The following LMX1A variants were observed in gnomAD, a reference collection of about 807,000 sequenced individuals.
The protein encoded by LMX1A is LIM homeobox transcription factor 1 alpha.
LMX1A carries 15 observed loss-of-function variants against 49.1 expected under a neutral mutation model. The ratio of observed to expected loss-of-function variants is 0.31; its 90% CI spans 0.20 to 0.47. The LOEUF (loss-of-function observed/expected upper bound fraction) is 0.47, where lower values mean the gene tolerates loss of function less well. Among genes scored for constraint, LMX1A ranks in the 20% least tolerant of loss-of-function variants. The pLI is 1.00. For synonymous variants in LMX1A, 167 were observed against 185.7 expected (o/e 0.90, Z 0.82); for missense variants, 372 against 475.8 (o/e 0.78, Z 2.03).
intron 3 of LMX1A, among the ~76,000 whole-genome samples, chr1:165,341,856 G>A (rs954559314): frequency 6.6e-6 from 1 of 152,134 alleles, no homozygotes; most frequent in Admixed American, 6.5e-5. Flanking sequence ...ACGAATGTTT[G>A]ATGATTAAAT....
chr1:165,269,155 C>T lies in LMX1A; in HGVS notation c.264-19515G>A, dbSNP rs145359560. ...TCTGGGACAAAAGAGGGTGAGATAA[C>T]GAGCTTAGACTCTCAATTTGGAGAC... is the stretch of plus-strand genomic sequence containing the variant. On this transcript the variant is annotated intron_variant, in intron 3 of 8. Transcript: ENST00000342310. Among the ~76,000 whole-genome samples, 40 of 152,308 alleles carry T rather than the reference C, an allele frequency of 2.6e-4. No individual in the cohort carries two copies. The East Asian group carries it at 7.3e-3, about 28-fold the overall frequency.
intron 3 of LMX1A, among the ~76,000 whole-genome samples, chr1:165,337,888 C>CTGTGTGTGTGTGTGTGTGTG (rs6143463): frequency 0.019 from 2,804 of 146,996 alleles, 36 homozygotes; most frequent in African/African-American, 0.024. Flanking sequence ...GTGTGTGTTT[C>CTGTGTGTGTGTGTGTGTGTG]TGTGTGTGTG....
At chr1:165,247,054 C>CTTTTTTTTTTCTTTTTTTT (rs1652877682) in intron 4 of LMX1A, among the ~76,000 whole-genome samples, 1 of 53,228 alleles carries the variant, frequency 1.9e-5, no homozygotes, top group Non-Finnish European at 3.3e-5. Context: ...TCAGCTTTTT[C>CTTTTTTTTTTCTTTTTTTT]TTTTTTTTTT....
Position 165,356,431 on chromosome 1 carries a change from G to A in LMX1A, c.-99C>T, listed in dbSNP as rs1341082776. The A allele has an allele frequency of 6.6e-6, 1 of 152,024 alleles. No homozygotes were observed. The highest frequency in any genetic ancestry group is 1.9e-4 in the East Asian group (1 of 5,134). The allele number at this position is 152,024 out of a possible 1,614,324, so 9.4% of individuals were successfully genotyped here. A position where few individuals can be genotyped will look rare whatever the true frequency, so the allele number is the denominator to read the frequency against. ...GCTGCTGGAAGCTTCTGCCCGGGAA[G>A]GCGTCGCCCCCGAGACTGCAGCCGG... On this transcript the variant is annotated 5_prime_UTR_variant, in exon 1 of 9. Coordinates refer to ENST00000342310, the MANE Select transcript of LMX1A (RefSeq NM_177398.4).
intron 4 of LMX1A, among the ~76,000 whole-genome samples, chr1:165,230,771 C>G (rs1402927739): frequency 6.6e-6 from 1 of 152,198 alleles, no homozygotes; most frequent in Admixed American, 6.5e-5. Context: ...AGATCACATG[C>G]CTACTTAGCA....
At chr1:165,219,329 T>C (rs925815075) in intron 4 of LMX1A, among the ~76,000 whole-genome samples, 1 of 152,002 alleles carries the variant, frequency 6.6e-6, no homozygotes, top group African/African-American at 2.4e-5. Context: ...ATGAGAGACC[T>C]TCATGCTAGG....
chr1:165,332,166 A>C (rs2101753346), intron 3 of LMX1A, among the ~76,000 whole-genome samples: 1 of 152,316 alleles, frequency 6.6e-6, no homozygotes, highest in East Asian at 1.9e-4. Flanking sequence ...AAGTAAATTA[A>C]AATAAAATTC....
At chr1:165,315,110 T>C (rs1457613627) in intron 3 of LMX1A, among the ~76,000 whole-genome samples, 2 of 152,212 alleles carry the variant, frequency 1.3e-5, no homozygotes, top group Admixed American at 1.3e-4. Flanking sequence ...TATCAATTAA[T>C]TCTCTCATTA....
chr1:165,293,946 T>C (rs1654547230), intron 3 of LMX1A, among the ~76,000 whole-genome samples: 1 of 152,228 alleles, frequency 6.6e-6, no homozygotes, highest in Non-Finnish European at 1.5e-5. Flanking sequence ...TAGCATTCCA[T>C]ATGCTGGATA....
At chr1:165,226,279 C>T (rs1310624569) in intron 4 of LMX1A, among the ~76,000 whole-genome samples, 1 of 152,220 alleles carries the variant, frequency 6.6e-6, no homozygotes, top group Non-Finnish European at 1.5e-5. Context: ...CATCATGATT[C>T]ATCTCCCCTT....
intron 3 of LMX1A, among the ~76,000 whole-genome samples, chr1:165,264,985 C>T (rs1482315339): frequency 1.3e-5 from 2 of 152,082 alleles, no homozygotes; most frequent in East Asian, 1.9e-4. Flanking sequence ...AGGCAGATCA[C>T]GAGGCCAGGA....
chr1:165,242,941 A>C (rs1652710346), intron 4 of LMX1A, among the ~76,000 whole-genome samples: 1 of 151,330 alleles, frequency 6.6e-6, no homozygotes, highest in African/African-American at 2.4e-5. Context: ...AAAAAAAAAA[A>C]AAAAAACAAA....
At chr1:165,340,641 G>C (rs563871137) in intron 3 of LMX1A, among the ~76,000 whole-genome samples, 4 of 152,284 alleles carry the variant, frequency 2.6e-5, no homozygotes, top group African/African-American at 9.6e-5. Context: ...GTATCCCAAA[G>C]CTTTGTGTCC....
intron 3 of LMX1A, among the ~76,000 whole-genome samples, chr1:165,264,527 A>G (rs1653554500): frequency 6.6e-6 from 1 of 152,186 alleles, no homozygotes; most frequent in Non-Finnish European, 1.5e-5. Context: ...CCAACCATGG[A>G]AATAAATAAT....
At chr1:165,296,024 T>C (rs1361663464) in intron 3 of LMX1A, among the ~76,000 whole-genome samples, 1 of 152,192 alleles carries the variant, frequency 6.6e-6, no homozygotes, top group Non-Finnish European at 1.5e-5. Flanking sequence ...GAGAACTTAT[T>C]AAAGATCTGG....
intron 3 of LMX1A, among the ~76,000 whole-genome samples, chr1:165,329,897 A>C (rs1283427895): frequency 1.3e-5 from 2 of 152,240 alleles, no homozygotes; most frequent in Admixed American, 1.3e-4. Flanking sequence ...TCTATGGACT[A>C]TCTGTGTGGC....
At chr1:165,258,241 G>C (rs1320762136) in intron 3 of LMX1A, among the ~76,000 whole-genome samples, 2 of 152,212 alleles carry the variant, frequency 1.3e-5, no homozygotes. Context: ...GGGAGTCTGG[G>C]AGACCATGTG....
Position 165,203,951 on chromosome 1 carries a change from G to A in LMX1A, c.1078C>T (p.Pro360Ser), listed in dbSNP as rs553925894. Residue 360 changes from proline to serine, a missense_variant, in exon 9 of 9, where the codon CCT becomes TCT. Transcript: ENST00000342310. ...DCFLATSEAG[P>S]LQSRVGNPID... ...GGGTTTCCCACTCTGGACTGCAGAG[G>A]CCCAGCTTCTGAGGTTGCTAGGAAA... 6.2e-7 allele frequency: 1 copy of A among 1,614,008 alleles called. No homozygotes were observed. The highest frequency in any genetic ancestry group is 1.1e-5 in the South Asian group (1 of 91,070).
At chr1:165,211,025 G>A (rs974136233) in intron 5 of LMX1A, 8 of 360,418 alleles carry the variant, frequency 2.2e-5, no homozygotes, top group Non-Finnish European at 3.0e-5. Context: ...AGGTGTTTCT[G>A]GATTTCTCTT....
Sources: gnomAD v4.1 joint callset for allele counts (sites outside exome capture counted in the v4.1 genomes callset) on GRCh38, gnomAD v4.1.1 for gene constraint, MANE v1.5 for transcripts, NCBI Gene and HGNC (gene_info 2026-07-23, HGNC 2026-07-21) for gene names.